SUN1: variants seen among roughly 807,000 people sequenced by gnomAD.
SUN1 encodes the protein Sad1 and UNC84 domain containing 1.
Under a neutral mutation model 103.2 loss-of-function variants are expected in SUN1, and 61 were observed. That is an observed-to-expected ratio of 0.59 (90% CI 0.48 to 0.73). The LOEUF (loss-of-function observed/expected upper bound fraction) is 0.73, where lower values mean the gene tolerates loss of function less well. Among genes scored for constraint, SUN1 ranks in the 30% least tolerant of loss-of-function variants. The pLI, the probability that SUN1 is intolerant of heterozygous loss-of-function variation, is 0.00. For synonymous variants in SUN1, 490 were observed against 425.7 expected (o/e 1.15, Z -1.86); for missense variants, 1,052 against 1,034.6 (o/e 1.02, Z -0.23).
At chr7:866,867 C>T (rs999020871) in intron 16 of SUN1, among the ~76,000 whole-genome samples, 1 of 148,608 alleles carries the variant, frequency 6.7e-6, no homozygotes, top group Non-Finnish European at 1.5e-5. Flanking sequence ...TCTGTGGCTT[C>T]ATTTAATACT....
At position 862,878 on chromosome 7, in the gene SUN1, G is replaced by A. The variant is rs142382653; in HGVS notation, c.1864+1414G>A. ...TTAAAACATCAGTTTCTGGCCGGGC[G>A]CAGTGGCTCACGTCTGTAATCCCAG... On this transcript the variant is annotated intron_variant, in intron 15 of 18. Transcript: ENST00000401592. Among the ~76,000 whole-genome samples, 910 of 152,290 alleles carry A rather than the reference G, an allele frequency of 6.0e-3. 10 individuals are homozygous for A. The highest frequency in any genetic ancestry group is 0.021 in the African/African-American group (859 of 41,554).
chr7:841,908 A>G (rs909068458), intron 2 of SUN1, 38 bp from the exon 3 acceptor site: 8 of 1,602,364 alleles, frequency 5.0e-6, no homozygotes, highest in African/African-American at 2.7e-5. Context: ...TATTTGCTAG[A>G]AAAGATCTAT....
At chr7:829,483 T>A (rs1795888592), upstream of SUN1, among the ~76,000 whole-genome samples, 1 of 152,082 alleles carries the variant, frequency 6.6e-6, no homozygotes, top group African/African-American at 2.4e-5. Context: ...CCTTTGCCTT[T>A]CATTTAGGGT....
intron 16 of SUN1, chr7:869,005 C>T (rs1402226634): frequency 2.8e-6 from 1 of 353,614 alleles, no homozygotes; most frequent in Non-Finnish European, 5.4e-6. Context: ...AGTGCTGGTT[C>T]CCTGTGGTGG....
intron 16 of SUN1, among the ~76,000 whole-genome samples, chr7:868,035 C>G (rs77253116): frequency 6.5e-4 from 99 of 152,340 alleles, no homozygotes; most frequent in East Asian, 6.0e-3. Context: ...GGCTCAGCTC[C>G]GTCTTCACAG....
chr7:836,650 G>A (rs1173483144), intron 1 of SUN1, among the ~76,000 whole-genome samples: 1 of 152,232 alleles, frequency 6.6e-6, no homozygotes, highest in African/African-American at 2.4e-5. Flanking sequence ...TTCGTGTTCT[G>A]TCCAGGCCTT....
At chr7:855,745 G>T (rs1365422095) in intron 11 of SUN1, among the ~76,000 whole-genome samples, 1 of 152,194 alleles carries the variant, frequency 6.6e-6, no homozygotes, top group Non-Finnish European at 1.5e-5. Flanking sequence ...GGTCTGCGGG[G>T]CGCCTCCTCC....
At chr7:825,077 T>G (rs1434351358) in intron 1 of SUN1, among the ~76,000 whole-genome samples, 4 of 151,982 alleles carry the variant, frequency 2.6e-5, no homozygotes, top group Admixed American at 2.6e-4. Flanking sequence ...TTTTTTTTTT[T>G]AGGCGGAGTC....
intron 9 of SUN1, 102 bp downstream of exon 9, chr7:853,054 G>T (rs990454139): frequency 1.1e-5 from 16 of 1,431,604 alleles, no homozygotes; most frequent in Non-Finnish European, 1.5e-5. Flanking sequence ...GTGTCCTGTT[G>T]TAAGAAGTAT....
intron 5 of SUN1, among the ~76,000 whole-genome samples, chr7:847,389 A>T (rs1330555712): frequency 7.5e-6 from 1 of 133,914 alleles, no homozygotes. Context: ...TCCGCAGTCC[A>T]GTCTCCGGGA....
chr7:848,561 G>T (rs1245847733), intron 5 of SUN1: 1 of 1,355,620 alleles, frequency 7.4e-7, no homozygotes, highest in Admixed American at 2.0e-5. Context: ...GAAAACTCAT[G>T]AATCAAAAGA....
At chr7:846,017 C>T (rs1205713025) in intron 5 of SUN1, among the ~76,000 whole-genome samples, 4 of 152,112 alleles carry the variant, frequency 2.6e-5, no homozygotes, top group African/African-American at 9.7e-5. Context: ...CCTGAAATGC[C>T]ATCACGGTGT....
rs759413599 is a variant in SUN1, at chr7:843,488, C to G, written c.626C>G (p.Ser209Trp). ...TAHPAAPGPVSRVYSRDRNQK... is the reference protein window; with the variant it reads ...TAHPAAPGPVWRVYSRDRNQK... ...CACCCCGCGGCCCCCGGGCCCGTGTCGAGAGTTTATTCTAGGGACAGGAAT... is the reference window on the plus strand; with the variant it reads ...CACCCCGCGGCCCCCGGGCCCGTGTGGAGAGTTTATTCTAGGGACAGGAAT... The change falls in exon 5 of 19, where the codon TCG becomes TGG. Residue 209 changes from serine (S) to tryptophan (W), a missense_variant. This residue lies in a region of SUN1 where 846 missense variants were observed against 774.5 expected (regional missense o/e 1.09). Coordinates refer to ENST00000401592, the MANE Select transcript of SUN1 (RefSeq NM_001130965.3). The G allele has an allele frequency of 1.9e-6, 3 of 1,614,008 alleles. No homozygotes were observed. Among genetic ancestry groups the G allele is most frequent in the Non-Finnish European group, 8.5e-7 (1 of 1,179,934 alleles).
chr7:817,415 A>C (rs1781763960), intron 1 of SUN1: 1 of 1,535,530 alleles, frequency 6.5e-7, no homozygotes, highest in Non-Finnish European at 8.7e-7. Flanking sequence ...TGTCTGGTGC[A>C]AAATAAGCAG....
At chr7:831,777 C>T (rs922959577), upstream of SUN1, 1 of 152,248 alleles carries the variant, frequency 6.6e-6, no homozygotes, top group African/African-American at 2.4e-5. Flanking sequence ...TTAGTTATAT[C>T]TCCCTCAGAT....
intron 1 of SUN1, among the ~76,000 whole-genome samples, chr7:826,146 G>A (rs1583958218): frequency 6.6e-6 from 1 of 152,126 alleles, no homozygotes; most frequent in Admixed American, 6.5e-5. Flanking sequence ...GCTGAGGCTT[G>A]AGCCCAGGAG....
intron 1 of SUN1, among the ~76,000 whole-genome samples, chr7:823,842 C>T (rs532412946): frequency 2.8e-4 from 42 of 152,148 alleles, no homozygotes; most frequent in African/African-American, 8.4e-4. Context: ...AGGCCTGGGG[C>T]GTGATTTGGA....
chr7:855,164 C>T (rs1412524514), intron 11 of SUN1, among the ~76,000 whole-genome samples, 158 bp downstream of exon 11: 3 of 152,220 alleles, frequency 2.0e-5, no homozygotes, highest in Non-Finnish European at 1.5e-5. Context: ...GGTGTGGCAG[C>T]GGCTCTGGGG....
intron 15 of SUN1, 70 bp from the exon 16 acceptor site, chr7:865,882 A>G (rs1836098115): frequency 1.6e-6 from 2 of 1,224,480 alleles, no homozygotes; most frequent in African/African-American, 1.5e-5. Context: ...TAAATCCTGA[A>G]GTGGTGCAGT....
Sources: gnomAD v4.1 joint callset for allele counts (sites outside exome capture counted in the v4.1 genomes callset) on GRCh38, gnomAD v4.1.1 for gene constraint, gnomAD v4.1.1 regional missense constraint, MANE v1.5 for transcripts, NCBI Gene and HGNC (gene_info 2026-07-23, HGNC 2026-07-21) for gene names.